Variants in NAA38 observed in about 807,000 individuals in gnomAD.
NAA38 encodes the protein N-alpha-acetyltransferase 38, NatC auxiliary subunit.
Under a neutral mutation model 12.6 loss-of-function variants are expected in NAA38, and 15 were observed. The observed-to-expected ratio is 1.19, with a 90% CI of 0.79 to 1.83. The LOEUF (loss-of-function observed/expected upper bound fraction) is 1.83. Among genes scored for constraint, NAA38 ranks in the 40% most tolerant of loss-of-function variants. The probability of loss-of-function intolerance (pLI) is 0.00; values close to 1 mark genes in which losing one functional copy is unlikely to be tolerated. For synonymous variants in NAA38, 88 were observed against 69.9 expected (o/e 1.26, Z -1.29); for missense variants, 183 against 171.7 (o/e 1.07, Z -0.37).
intron 2 of NAA38, among the ~76,000 whole-genome samples, chr17:7,878,381 T>TAA (rs57414300): frequency 6.2e-5 from 9 of 145,478 alleles, no homozygotes; most frequent in South Asian, 4.3e-4. Flanking sequence ...CAATAAAATG[T>TAA]AAAAAAAAAA....
At chr17:7,858,801 A>C (rs752381588), upstream of NAA38, 2 of 1,560,046 alleles carry the variant, frequency 1.3e-6, no homozygotes, top group South Asian at 2.4e-5. Context: ...TAACACGCTC[A>C]CGTCGCAGGA....
chr17:7,885,063 C>T lies in NAA38; in HGVS notation c.-167+102G>A, dbSNP rs1330718204. On this transcript the variant is annotated intron_variant, in intron 1 of 4. Coordinates refer to the NAA38 transcript ENST00000576861. ...CCGCCGCCGCCACCGCTGCCCCCGC[C>T]GCCGCCGCCCCCGCCGCCAGGTAAG... is the stretch of plus-strand genomic sequence containing the variant. 45 of 990,750 alleles carry T rather than the reference C, an allele frequency of 4.5e-5. 1 individual carries two copies. Among genetic ancestry groups the T allele is most frequent in the Non-Finnish European group, 5.4e-5 (45 of 835,816 alleles). 61.4% of individuals were successfully genotyped at this position (990,750 alleles called of 1,614,324 possible).
At chr17:7,859,113 T>C (rs902681642), upstream of NAA38, 3 of 573,430 alleles carry the variant, frequency 5.2e-6, no homozygotes, top group African/African-American at 3.7e-5. Context: ...TGGACAGCAA[T>C]TGGACTTTCT....
chr17:7,873,787 T>A (rs1967127169), intron 2 of NAA38, among the ~76,000 whole-genome samples: 1 of 151,946 alleles, frequency 6.6e-6, no homozygotes, highest in Non-Finnish European at 1.5e-5. Context: ...TTCAAGGGAG[T>A]TCTCATATGA....
intron 1 of NAA38, among the ~76,000 whole-genome samples, chr17:7,883,926 C>G (rs945400254): frequency 6.6e-6 from 1 of 151,974 alleles, no homozygotes; most frequent in Non-Finnish European, 1.5e-5. Flanking sequence ...GGACTAGTAT[C>G]TAACTAGTTA....
At chr17:7,882,625 G>GAGTT (rs971229933) in intron 2 of NAA38, among the ~76,000 whole-genome samples, 2 of 151,986 alleles carry the variant, frequency 1.3e-5, no homozygotes, top group African/African-American at 4.8e-5. Flanking sequence ...AAAGGAGGAG[G>GAGTT]AGTTAGACTT....
At chr17:7,870,101 A>G (rs1270840236) in intron 2 of NAA38, among the ~76,000 whole-genome samples, 1 of 152,148 alleles carries the variant, frequency 6.6e-6, no homozygotes, top group Non-Finnish European at 1.5e-5. Context: ...TGGTCAATCG[A>G]AGAAGATCTA....
At chr17:7,884,979 ACGACCGGGGCCG>A (rs1967523566) in intron 1 of NAA38, 2 of 1,237,820 alleles carry the variant, frequency 1.6e-6, no homozygotes, top group African/African-American at 1.6e-5. Flanking sequence ...GGGCCGGGCC[ACGACCGGGGCCG>A]CGACCGCCAC....
intron 2 of NAA38, among the ~76,000 whole-genome samples, chr17:7,871,287 A>G (rs1967080719): frequency 1.3e-5 from 2 of 152,234 alleles, no homozygotes; most frequent in African/African-American, 4.8e-5. Context: ...CATCTGTAAA[A>G]TGAGTATTAG....
At chr17:7,865,091 A>G (rs985895901) in intron 3 of NAA38, 3 of 152,164 alleles carry the variant, frequency 2.0e-5, no homozygotes, top group Admixed American at 6.5e-5. Context: ...TGAAAGTACT[A>G]TAAAGACACA....
rs188181457 is a variant in NAA38, at chr17:7,856,858, C to A, written c.266-15G>T. 75 of 1,612,742 alleles carry A rather than the reference C, an allele frequency of 4.7e-5. 3 individuals are homozygous for A. Among genetic ancestry groups the A allele is most frequent in the East Asian group, 2.2e-4 (10 of 44,864 alleles). On this transcript the variant is annotated splice_polypyrimidine_tract_variant and intron_variant, in intron 2 of 2. Transcript: ENST00000575771. ...AGAGAAGGAATCTGGAAAGAAGGATCAGAGCATCAGGAAAGTAGGCCAGAA... is the reference window on the plus strand; with the variant it reads ...AGAGAAGGAATCTGGAAAGAAGGATAAGAGCATCAGGAAAGTAGGCCAGAA...
At chr17:7,877,198 T>C (rs1967189559) in intron 2 of NAA38, 1 of 209,918 alleles carries the variant, frequency 4.8e-6, no homozygotes, top group Non-Finnish European at 1.0e-5. Flanking sequence ...TTGTAAAAAT[T>C]CAGAATTATC....
upstream of NAA38, chr17:7,858,450 A>G (rs1168130683): frequency 3.1e-6 from 5 of 1,614,106 alleles, no homozygotes; most frequent in Non-Finnish European, 4.2e-6. Flanking sequence ...CCAGGATATC[A>G]GCCACTGGTT....
chr17:7,869,424 G>A (rs1413618881), intron 2 of NAA38, among the ~76,000 whole-genome samples: 3 of 152,122 alleles, frequency 2.0e-5, no homozygotes, highest in African/African-American at 7.2e-5. Flanking sequence ...TATAGAATAA[G>A]TTGATTTTTA....
At chr17:7,857,819 G>A (rs2078842251), upstream of NAA38, 4 of 1,339,100 alleles carry the variant, frequency 3.0e-6, no homozygotes, top group African/African-American at 2.9e-5. Context: ...TGTAGCCCAG[G>A]CCACTGAATT....
At chr17:7,878,048 T>A (rs931416278) in intron 2 of NAA38, among the ~76,000 whole-genome samples, 3 of 152,202 alleles carry the variant, frequency 2.0e-5, no homozygotes, top group African/African-American at 7.2e-5. Flanking sequence ...ATTAGTAGCA[T>A]GCAAGATGCT....
chr17:7,877,789 G>A (rs1019556065), intron 2 of NAA38, among the ~76,000 whole-genome samples: 2 of 152,194 alleles, frequency 1.3e-5, no homozygotes, highest in African/African-American at 4.8e-5. Flanking sequence ...GTTAATAACA[G>A]TAATATATGT....
chr17:7,877,993 T>C (rs991662858), intron 2 of NAA38, among the ~76,000 whole-genome samples: 2 of 152,164 alleles, frequency 1.3e-5, no homozygotes, highest in Non-Finnish European at 2.9e-5. Context: ...TCTATACCTA[T>C]AAAATTAGAT....
chr17:7,885,349 C>T (rs1967718772), upstream of NAA38: 1 of 139,826 alleles, frequency 7.2e-6, no homozygotes, highest in Admixed American at 8.9e-5. Flanking sequence ...CGCCGCCACC[C>T]CGGCTGGAGA....
Sources: allele counts gnomAD v4.1 joint callset (sites outside exome capture counted in the v4.1 genomes callset), GRCh38; gene constraint gnomAD v4.1.1; transcripts MANE v1.5; gene names NCBI Gene and HGNC (gene_info 2026-07-23, HGNC 2026-07-21).